NLN: variants seen among roughly 807,000 people sequenced by gnomAD.
The protein encoded by NLN is neurolysin, also known as neurolysin, mitochondrial.
A neutral mutation model predicts 79.9 loss-of-function variants in NLN; 64 were observed. The ratio of observed to expected loss-of-function variants is 0.80; its 90% confidence interval spans 0.65 to 0.99. The LOEUF (loss-of-function observed/expected upper bound fraction) is 0.99, where lower values mean the gene tolerates loss of function less well. NLN is among the 50% of genes least tolerant of loss of function. The pLI is 0.00. For synonymous variants in NLN, 267 were observed against 296.6 expected (o/e 0.90, Z 1.02); for missense variants, 835 against 858.7 (o/e 0.97, Z 0.34).
intron 7 of NLN, 187 bp downstream of exon 7, chr5:65,786,097 G>C (rs991949616): frequency 4.3e-6 from 2 of 467,548 alleles, no homozygotes; most frequent in Non-Finnish European, 7.5e-6. Context: ...TATATTGCTA[G>C]TATAGGCCTG....
chr5:65,809,749 G>A (rs761522786), intron 10 of NLN, 48 bp downstream of exon 10: 13 of 1,394,882 alleles, frequency 9.3e-6, no homozygotes, highest in Middle Eastern at 1.8e-4. Flanking sequence ...ATCTCTTAAT[G>A]TAGAATTGCT....
chr5:65,795,336 T>C (rs1380817143), intron 9 of NLN, among the ~76,000 whole-genome samples: 1 of 152,138 alleles, frequency 6.6e-6, no homozygotes, highest in Non-Finnish European at 1.5e-5. Context: ...TGCAGTGAGC[T>C]GAGAGTGTGC....
At chr5:65,787,640 G>A (rs1759960517) in intron 7 of NLN, among the ~76,000 whole-genome samples, 1 of 152,154 alleles carries the variant, frequency 6.6e-6, no homozygotes, top group African/African-American at 2.4e-5. Context: ...CAGAAATGGG[G>A]TAATGAGAAA....
intron 1 of NLN, among the ~76,000 whole-genome samples, chr5:65,732,287 G>T (rs1022319916): frequency 1.1e-5 from 1 of 88,882 alleles, no homozygotes; most frequent in African/African-American, 4.5e-5. Flanking sequence ...GATGGCCCGG[G>T]CCAGATGCTA....
At chr5:65,761,645 A>G (rs774975344) in intron 2 of NLN, among the ~76,000 whole-genome samples, 9 of 152,350 alleles carry the variant, frequency 5.9e-5, no homozygotes, top group Admixed American at 2.6e-4. Flanking sequence ...TATCACTTAA[A>G]TAAGTGCTGT....
chr5:65,783,128 G>A (rs2150758418), intron 6 of NLN, among the ~76,000 whole-genome samples: 1 of 152,280 alleles, frequency 6.6e-6, no homozygotes. Context: ...GTAGATTAGA[G>A]GTTACCAGGG....
chr5:65,781,042 C>T (rs755675218), intron 5 of NLN, among the ~76,000 whole-genome samples: 3 of 152,138 alleles, frequency 2.0e-5, no homozygotes, highest in Non-Finnish European at 4.4e-5. Context: ...TTTACTGAAA[C>T]CTGTTCATAT....
chr5:65,769,625 G>A (rs899692639), intron 3 of NLN, among the ~76,000 whole-genome samples: 1 of 152,204 alleles, frequency 6.6e-6, no homozygotes, highest in Non-Finnish European at 1.5e-5. Context: ...AGACTAACCG[G>A]TGTGTTGTGG....
intron 6 of NLN, among the ~76,000 whole-genome samples, chr5:65,783,673 A>C (rs1177196634): frequency 1.3e-5 from 2 of 151,778 alleles, no homozygotes; most frequent in Non-Finnish European, 1.5e-5. Flanking sequence ...CAGCCTCAGC[A>C]ATATGGCAAG....
intron 1 of NLN, among the ~76,000 whole-genome samples, chr5:65,745,484 A>G (rs899837669): frequency 2.0e-5 from 3 of 152,226 alleles, no homozygotes; most frequent in Admixed American, 6.5e-5. Flanking sequence ...CACAAATGCT[A>G]TGTGACCTTG....
At chr5:65,738,987 T>TACA (rs1483825965) in intron 1 of NLN, among the ~76,000 whole-genome samples, 4 of 5,402 alleles carry the variant, frequency 7.4e-4, no homozygotes, top group African/African-American at 1.6e-3. Flanking sequence ...ATATTATATA[T>TACA]TTATATATAT....
intron 8 of NLN, among the ~76,000 whole-genome samples, chr5:65,789,837 T>A (rs1358267324): frequency 6.6e-6 from 1 of 152,246 alleles, no homozygotes; most frequent in Non-Finnish European, 1.5e-5. Flanking sequence ...TCAGTCTGGC[T>A]GAGAGGCAGC....
intron 2 of NLN, 83 bp from the exon 3 acceptor site, chr5:65,762,877 A>G (rs918981511): frequency 2.3e-6 from 3 of 1,295,166 alleles, no homozygotes; most frequent in African/African-American, 1.5e-5. Context: ...TGGCATGATC[A>G]TTCATCTGGG....
intron 6 of NLN, among the ~76,000 whole-genome samples, chr5:65,782,441 C>T (rs1759821176): frequency 6.6e-6 from 1 of 152,088 alleles, no homozygotes. Context: ...ATAACTATAC[C>T]CAAATATCAC....
intron 9 of NLN, among the ~76,000 whole-genome samples, chr5:65,796,336 T>C (rs925605721): frequency 1.4e-4 from 22 of 152,378 alleles, no homozygotes; most frequent in African/African-American, 5.3e-4. Context: ...CTTACATTAA[T>C]TGTGATCTTT....
intron 9 of NLN, 89 bp downstream of exon 9, chr5:65,792,744 T>A (rs576238703): frequency 4.0e-5 from 45 of 1,118,560 alleles, no homozygotes; most frequent in Non-Finnish European, 5.9e-5. Flanking sequence ...CCTAACAGGT[T>A]TTTTCAGAAG....
At chr5:65,791,937 T>A (rs1326305845) in intron 8 of NLN, among the ~76,000 whole-genome samples, 1 of 152,180 alleles carries the variant, frequency 6.6e-6, no homozygotes, top group Non-Finnish European at 1.5e-5. Context: ...GCATTCTGTT[T>A]CAAAAAGGCC....
chr5:65,785,808 C>T lies in NLN; in HGVS notation c.856C>T (p.Leu286=). The T allele has an allele frequency of 6.2e-7, 1 of 1,613,824 alleles. No individual in the cohort carries two copies. The highest frequency in any genetic ancestry group is 8.5e-7 in the Non-Finnish European group (1 of 1,179,718). ...NTIILQQLLP[L]RTKVAKLLGY... ...CATAATTTTGCAGCAGCTACTCCCA[C>T]TGCGAACCAAGGTGGCCAAACTACT... Residue 286 remains leucine (L), a synonymous_variant, in exon 7 of 13, where the codon CTG becomes TTG. Transcript: ENST00000380985.
intron 1 of NLN, among the ~76,000 whole-genome samples, chr5:65,731,236 G>T (rs1193617183): frequency 6.6e-6 from 1 of 152,224 alleles, no homozygotes; most frequent in African/African-American, 2.4e-5. Flanking sequence ...AAGGCAGTTG[G>T]AACTGGAACC....
Sources: gnomAD v4.1 joint callset for allele counts (sites outside exome capture counted in the v4.1 genomes callset) on GRCh38, gnomAD v4.1.1 for gene constraint, MANE v1.5 for transcripts, NCBI Gene and HGNC (gene_info 2026-07-23, HGNC 2026-07-21) for gene names.